Variants in CA10 observed in about 807,000 individuals in gnomAD.
CA10 encodes the protein carbonic anhydrase-related protein 10.
In CA10, 14 loss-of-function variants were observed where a neutral mutation model predicts 44.2. That is an observed-to-expected ratio of 0.32 (90% CI 0.21 to 0.50). The LOEUF (loss-of-function observed/expected upper bound fraction) is 0.50. Among genes scored for constraint, CA10 ranks in the 20% least tolerant of loss-of-function variants. The probability of loss-of-function intolerance (pLI) is 0.99; values close to 1 mark genes in which losing one functional copy is unlikely to be tolerated. For synonymous variants in CA10, 159 were observed against 141.6 expected (o/e 1.12, Z -0.87); for missense variants, 350 against 409.7 (o/e 0.85, Z 1.26).
At chr17:51,952,665 AC>A (rs1983529895) in intron 2 of CA10, among the ~76,000 whole-genome samples, 1 of 152,152 alleles carries the variant, frequency 6.6e-6, no homozygotes, top group African/African-American at 2.4e-5. Flanking sequence ...ATACTAAGAA[AC>A]ACTTGGTCCA....
At position 51,760,458 on chromosome 17, in the gene CA10, G is replaced by A. The variant is rs752022788; in HGVS notation, c.280-12640C>T. ...GGCCAGGTGTGTGACAGCAGGGAGC[G>A]GTGGAGATGGTGGCGGTATGGAGGA... On this transcript the variant is annotated intron_variant, in intron 3 of 8. Transcript: ENST00000451037. 8.5e-5 allele frequency among the ~76,000 whole-genome samples: 13 copies of A among 152,130 alleles called. No individual in the cohort carries two copies. The South Asian group carries it at 1.0e-3, about 12-fold the overall frequency.
intron 3 of CA10, among the ~76,000 whole-genome samples, chr17:51,805,693 G>A (rs1001947204): frequency 6.6e-6 from 1 of 152,186 alleles, no homozygotes; most frequent in Non-Finnish European, 1.5e-5. Context: ...GCAGAATTGT[G>A]CAACCATCTC....
intron 6 of CA10, among the ~76,000 whole-genome samples, chr17:51,640,937 G>A (rs763269566): frequency 1.8e-4 from 28 of 152,106 alleles, no homozygotes; most frequent in Non-Finnish European, 3.5e-4. Context: ...AGTAAGGATG[G>A]CAAAGATCTA....
At chr17:52,024,941 CATAT>C (rs1375927510) in intron 2 of CA10, among the ~76,000 whole-genome samples, 1 of 151,534 alleles carries the variant, frequency 6.6e-6, no homozygotes. Flanking sequence ...AAGAGGATAT[CATAT>C]ATATAGTATA....
chr17:52,157,728 G>C lies in CA10; in HGVS notation c.59C>G (p.Ser20Ter). The C allele has an allele frequency of 6.2e-7, 1 of 1,613,792 alleles. No individual in the cohort carries two copies. The highest frequency in any genetic ancestry group is 8.5e-7 in the Non-Finnish European group (1 of 1,179,726). Residue 20 changes from serine (S) to a stop codon, truncating the protein, a stop_gained and splice_region_variant, in exon 1 of 9, where the codon TCA becomes TGA. Transcript: ENST00000451037. LOFTEE classifies it high-confidence loss of function. ...AGTGACTTCGGCGCGTCCCGTACCT[G>C]ATATGCAGACGATGAAATTGGCTTG... The part of the protein sequence containing the change: ...LLQANFIVCI[S>*]AQQNSPKIHE...
chr17:52,123,625 T>C (rs538759574), intron 1 of CA10, among the ~76,000 whole-genome samples: 24 of 152,250 alleles, frequency 1.6e-4, no homozygotes, highest in Admixed American at 2.6e-4. Context: ...CCCAAAGCCA[T>C]TGATCGAAGC....
intron 4 of CA10, among the ~76,000 whole-genome samples, chr17:51,742,692 A>G (rs1904511466): frequency 6.6e-6 from 1 of 152,226 alleles, no homozygotes; most frequent in Non-Finnish European, 1.5e-5. Flanking sequence ...TTTACATATG[A>G]CTTTAATTCT....
intron 2 of CA10, among the ~76,000 whole-genome samples, chr17:51,961,670 C>T (rs1362879568): frequency 1.3e-5 from 2 of 152,132 alleles, no homozygotes; most frequent in African/African-American, 4.8e-5. Flanking sequence ...AAATTATAGA[C>T]AACTCTATTC....
intron 4 of CA10, among the ~76,000 whole-genome samples, chr17:51,708,837 C>T (rs1051429362): frequency 2.6e-5 from 4 of 152,252 alleles, no homozygotes; most frequent in Admixed American, 1.3e-4. Flanking sequence ...AGTTCTTCAG[C>T]TTTTGGACTC....
chr17:52,078,430 C>T (rs1987874989), intron 1 of CA10, among the ~76,000 whole-genome samples: 1 of 152,136 alleles, frequency 6.6e-6, no homozygotes, highest in Non-Finnish European at 1.5e-5. Context: ...TATACCTGTG[C>T]CAAGTGGTCT....
At chr17:51,874,388 T>TA (rs780808287) in intron 3 of CA10, among the ~76,000 whole-genome samples, 1,740 of 127,414 alleles carry the variant, frequency 0.014, 18 homozygotes, top group East Asian at 0.062. Flanking sequence ...GAGTAATTAT[T>TA]AAAAAAAAAA....
intron 4 of CA10, among the ~76,000 whole-genome samples, chr17:51,680,105 A>C (rs1437723615): frequency 6.6e-6 from 1 of 152,176 alleles, no homozygotes; most frequent in Non-Finnish European, 1.5e-5. Flanking sequence ...CACTGGAAAA[A>C]AAAATTGTCT....
At chr17:51,944,052 C>T (rs956311292) in intron 2 of CA10, among the ~76,000 whole-genome samples, 1 of 152,134 alleles carries the variant, frequency 6.6e-6, no homozygotes, top group African/African-American at 2.4e-5. Context: ...ATTCTTCGTC[C>T]ACCAAACAAC....
intron 3 of CA10, among the ~76,000 whole-genome samples, chr17:51,809,984 A>T (rs1486308588): frequency 6.6e-6 from 1 of 152,222 alleles, no homozygotes; most frequent in Non-Finnish European, 1.5e-5. Flanking sequence ...GCCATCATCC[A>T]TCTTGGAAGG....
chr17:51,850,274 C>T (rs980396483), intron 3 of CA10, among the ~76,000 whole-genome samples: 1 of 152,250 alleles, frequency 6.6e-6, no homozygotes, highest in Non-Finnish European at 1.5e-5. Flanking sequence ...TATACAGAAT[C>T]ATAATGTATA....
chr17:52,018,940 G>T (rs1049591684), intron 2 of CA10, among the ~76,000 whole-genome samples: 2 of 151,988 alleles, frequency 1.3e-5, no homozygotes, highest in Non-Finnish European at 2.9e-5. Context: ...CACTCTATGA[G>T]TTCACATGAT....
chr17:52,015,764 C>T (rs1383609084), intron 2 of CA10, among the ~76,000 whole-genome samples: 1 of 152,118 alleles, frequency 6.6e-6, no homozygotes, highest in Non-Finnish European at 1.5e-5. Context: ...TTTCTGAAGC[C>T]TAAGGTCTGA....
chr17:51,652,737 T>A (rs1339684299), intron 5 of CA10, among the ~76,000 whole-genome samples: 1 of 152,212 alleles, frequency 6.6e-6, no homozygotes, highest in Non-Finnish European at 1.5e-5. Context: ...GATGTCATCA[T>A]GACAGCCCTG....
At chr17:51,655,353 A>G (rs568751298) in intron 4 of CA10, among the ~76,000 whole-genome samples, 7 of 152,352 alleles carry the variant, frequency 4.6e-5, no homozygotes, top group Admixed American at 2.6e-4. Flanking sequence ...TTGAGAATCC[A>G]ATAAGATAGT....
Sources: gnomAD v4.1 joint callset for allele counts (sites outside exome capture counted in the v4.1 genomes callset) on GRCh38, gnomAD v4.1.1 for gene constraint, MANE v1.5 for transcripts, NCBI Gene and HGNC (gene_info 2026-07-23, HGNC 2026-07-21) for gene names.